The following AMD1 variants were observed in gnomAD, a reference collection of about 807,000 sequenced individuals.
AMD1 encodes the protein S-adenosylmethionine decarboxylase proenzyme.
AMD1 carries 11 observed loss-of-function variants against 40.2 expected under a neutral mutation model. That is an observed-to-expected ratio of 0.27 (90% confidence interval 0.17 to 0.45). The LOEUF is 0.45. Among genes scored for constraint, AMD1 ranks in the 20% least tolerant of loss-of-function variants. AMD1 has a pLI of 1.00. For synonymous variants in AMD1, 121 were observed against 130.8 expected (o/e 0.93, Z 0.51); for missense variants, 257 against 410.2 (o/e 0.63, Z 3.23).
Position 110,895,070 on chromosome 6 carries a change from G to A in AMD1, c.*1454G>A, listed in dbSNP as rs1367192673. ...TTTGCAGATTCTCTGGGATTTTAAG[G>A]AACTGAGAAAACAGCAAAGTTGACT... On this transcript the variant is annotated 3_prime_UTR_variant, in exon 9 of 9. Coordinates refer to ENST00000368885, the MANE Select transcript of AMD1 (RefSeq NM_001634.6). The A allele has an allele frequency of 1.3e-5, 2 of 152,142 alleles. No individual in the cohort carries two copies. Among genetic ancestry groups the A allele is most frequent in the Admixed American group, 6.6e-5 (1 of 15,264 alleles). The allele number at this position is 152,142 out of a possible 1,614,324, so 9.4% of individuals were successfully genotyped here.
chr6:110,814,779 C>G, the AMD1 span: 2 of 671,356 alleles, frequency 3.0e-6, no homozygotes, highest in Non-Finnish European at 5.4e-6. Context: ...GGGACGGGAC[C>G]GACGCCTCGG....
chr6:110,818,627 G>T, the AMD1 span, among the ~76,000 whole-genome samples: 1 of 152,162 alleles, frequency 6.6e-6, no homozygotes, highest in African/African-American at 2.4e-5. Context: ...TGCAGTCTCT[G>T]CCTCCTGGGT....
At chr6:110,884,006 T>A (rs1401896723) in intron 1 of AMD1, among the ~76,000 whole-genome samples, 1 of 152,222 alleles carries the variant, frequency 6.6e-6, no homozygotes, top group African/African-American at 2.4e-5. Context: ...TATAAAGTTT[T>A]ATATGAACAC....
chr6:110,828,337 C>T, the AMD1 span, among the ~76,000 whole-genome samples: 1 of 151,556 alleles, frequency 6.6e-6, no homozygotes, highest in East Asian at 1.9e-4. Flanking sequence ...GAGGCTGAGG[C>T]AGGAGAGAAT....
the AMD1 span, among the ~76,000 whole-genome samples, chr6:110,867,095 G>A: frequency 1.0e-3 from 155 of 151,912 alleles, no homozygotes; most frequent in African/African-American, 3.6e-3. Context: ...TTACAGGCGT[G>A]AGCCACCGGG....
At chr6:110,892,254 A>G (rs1430628720) in intron 5 of AMD1, 45 bp from the exon 6 acceptor site, 1 of 1,613,580 alleles carries the variant, frequency 6.2e-7, no homozygotes, top group South Asian at 1.1e-5. Flanking sequence ...TAAGATTTAA[A>G]CTGCCAATTG....
chr6:110,829,885 A>T, the AMD1 span, among the ~76,000 whole-genome samples: 2 of 152,054 alleles, frequency 1.3e-5, no homozygotes, highest in Admixed American at 6.6e-5. Flanking sequence ...TTTTCTGAGA[A>T]CCCTGAAGGC....
chr6:110,818,850 C>G, the AMD1 span, among the ~76,000 whole-genome samples: 1 of 152,196 alleles, frequency 6.6e-6, no homozygotes, highest in African/African-American at 2.4e-5. Flanking sequence ...TTTAATGTCT[C>G]TCTGTGCCTT....
chr6:110,815,385 C>G, the AMD1 span: 1 of 374,832 alleles, frequency 2.7e-6, no homozygotes, highest in Non-Finnish European at 4.7e-6. Flanking sequence ...CAGGCACCCC[C>G]AGTCCCGCCT....
chr6:110,887,184 A>G (rs932133371), intron 1 of AMD1, among the ~76,000 whole-genome samples: 7 of 152,168 alleles, frequency 4.6e-5, no homozygotes, highest in Non-Finnish European at 8.8e-5. Context: ...TTATAGACAA[A>G]GTATCCCATT....
chr6:110,845,325 C>T, the AMD1 span, among the ~76,000 whole-genome samples: 1 of 151,890 alleles, frequency 6.6e-6, no homozygotes, highest in Non-Finnish European at 1.5e-5. Context: ...AGACATGAGC[C>T]ACCACACCTG....
chr6:110,837,811 C>G, the AMD1 span, among the ~76,000 whole-genome samples: 3 of 135,160 alleles, frequency 2.2e-5, no homozygotes, highest in African/African-American at 8.4e-5. Flanking sequence ...ACCTCTAATC[C>G]CAGCACTTTG....
chr6:110,891,918 T>G (rs1786041258), intron 4 of AMD1: 1 of 518,960 alleles, frequency 1.9e-6, no homozygotes, highest in Non-Finnish European at 3.4e-6. Flanking sequence ...ACTTTTTGTA[T>G]TTTTAGTAGC....
At chr6:110,853,607 A>G in the AMD1 span, among the ~76,000 whole-genome samples, 1 of 151,832 alleles carries the variant, frequency 6.6e-6, no homozygotes, top group Non-Finnish European at 1.5e-5. Context: ...GCACCTGGCC[A>G]TTTTTGTATT....
the AMD1 span, among the ~76,000 whole-genome samples, chr6:110,829,718 A>G: frequency 6.7e-6 from 1 of 150,182 alleles, no homozygotes; most frequent in Non-Finnish European, 1.5e-5. Flanking sequence ...TGGTGGCACG[A>G]GCCTGTAGTC....
chr6:110,892,098 A>AGTT (rs1359852233), intron 4 of AMD1, 63 bp from the exon 5 acceptor site: 1 of 1,538,400 alleles, frequency 6.5e-7, no homozygotes, highest in Non-Finnish European at 9.0e-7. Context: ...GTGGAAGGGT[A>AGTT]GTAACAAACC....
At chr6:110,858,959 C>A in the AMD1 span, 2 of 1,081,076 alleles carry the variant, frequency 1.9e-6, no homozygotes, top group Non-Finnish European at 2.9e-6. Flanking sequence ...ACAACTCCTC[C>A]ATGTCGCTGC....
chr6:110,849,821 A>G, the AMD1 span, among the ~76,000 whole-genome samples: 1 of 152,112 alleles, frequency 6.6e-6, no homozygotes, highest in Non-Finnish European at 1.5e-5. Flanking sequence ...TGAGTTCAAG[A>G]CCAGCCTGAG....
At position 110,892,512 on chromosome 6, in the gene AMD1, G is replaced by T. The variant is rs1786080428; in HGVS notation, c.615+69G>T. On this transcript the variant is annotated intron_variant, in intron 6 of 8. Transcript: ENST00000368885. ...GGGACTAAATTTTATTTTTCATTCTGTAACTTTTAAGTTCAGGGTAACAAG... is the reference window on the plus strand; with the variant it reads ...GGGACTAAATTTTATTTTTCATTCTTTAACTTTTAAGTTCAGGGTAACAAG... The T allele has an allele frequency of 3.1e-6, 5 of 1,592,674 alleles. No individual in the cohort carries two copies. The Admixed American group carries it at 8.7e-5, about 28-fold the overall frequency.
Sources: allele counts gnomAD v4.1 joint callset (sites outside exome capture counted in the v4.1 genomes callset), GRCh38; gene constraint gnomAD v4.1.1; transcripts MANE v1.5; gene names NCBI Gene and HGNC (gene_info 2026-07-23, HGNC 2026-07-21).